Variants in CLDN2 observed in about 807,000 individuals in gnomAD.
The protein encoded by CLDN2 is claudin 2, also known as claudin-2.
CLDN2 carries 1 observed loss-of-function variant against 8.2 expected under a neutral mutation model. That is an observed-to-expected ratio of 0.12 (90% confidence interval 0.04 to 0.58). CLDN2 has a LOEUF of 0.58. Ranked by LOEUF, CLDN2 falls within the 20% of genes least tolerant of loss-of-function variation. The probability of loss-of-function intolerance (pLI) is 0.90; values close to 1 mark genes in which losing one functional copy is unlikely to be tolerated. For missense variants in CLDN2, 108 were observed against 172.9 expected (o/e 0.62, Z 2.11); for synonymous variants, 70 against 70.2 (o/e 1.00, Z 0.01).
intron 1 of CLDN2, among the ~76,000 whole-genome samples, chrX:106,921,031 G>T (rs1296292312): frequency 8.9e-6 from 1 of 111,744 alleles, no homozygotes; most frequent in East Asian, 2.8e-4. Flanking sequence ...TCCCTCACTG[G>T]TCTGCAAGTC....
chrX:106,920,926 C>T (rs890810534), intron 1 of CLDN2, among the ~76,000 whole-genome samples: 2 of 111,636 alleles, frequency 1.8e-5, no homozygotes, highest in African/African-American at 6.5e-5. Flanking sequence ...CAGCCAGCTC[C>T]AGTGCCCTCC....
At chrX:106,923,539 T>C in intron 1 of CLDN2, among the ~76,000 whole-genome samples, 1 of 111,869 alleles carries the variant, frequency 8.9e-6, no homozygotes. Flanking sequence ...GCAGACCTGA[T>C]GGTACATTAT....
intron 1 of CLDN2, among the ~76,000 whole-genome samples, chrX:106,901,308 C>T (rs764694454): frequency 8.9e-6 from 1 of 112,352 alleles, no homozygotes; most frequent in Non-Finnish European, 1.9e-5. Context: ...CTAGAAAAGA[C>T]AGCCTTGGCA....
chrX:106,904,933 G>T (rs1956500801), intron 1 of CLDN2, among the ~76,000 whole-genome samples: 1 of 111,773 alleles, frequency 8.9e-6, no homozygotes, highest in African/African-American at 3.3e-5. Flanking sequence ...GAGTGTTAGG[G>T]TTGTCATTTC....
At chrX:106,907,688 G>A (rs1005829290) in intron 1 of CLDN2, among the ~76,000 whole-genome samples, 21 of 101,002 alleles carry the variant, frequency 2.1e-4, no homozygotes, top group African/African-American at 7.2e-4. Context: ...AAAACAGAGC[G>A]AGACTCCGTC....
In CLDN2 at chrX:106,929,007, C is replaced by A; in HGVS notation, c.*86C>A. Reference sequence around the variant, plus strand: ...GAGGGCCACAGGTGAGGGACACTACCACTGGATCGTGTCAGAAGGTGCTGC... The same window carrying A: ...GAGGGCCACAGGTGAGGGACACTACAACTGGATCGTGTCAGAAGGTGCTGC... On this transcript the variant is annotated 3_prime_UTR_variant, in exon 2 of 2. Transcript: ENST00000336803. The A allele has an allele frequency of 1.2e-6, 1 of 809,405 alleles. No homozygotes were observed. Among genetic ancestry groups the A allele is most frequent in the Non-Finnish European group, 1.8e-6 (1 of 557,043 alleles). The allele number at this position is 809,405 out of a possible 1,213,427, so 66.7% of individuals were successfully genotyped here. A position where few individuals can be genotyped will look rare whatever the true frequency, so the allele number is the denominator to read the frequency against.
chrX:106,919,106 G>A (rs1417960584), upstream of CLDN2, among the ~76,000 whole-genome samples: 1 of 112,141 alleles, frequency 8.9e-6, no homozygotes, highest in Non-Finnish European at 1.9e-5. Context: ...ACAGAATGAT[G>A]TAGTTCTGTG....
At chrX:106,914,284 G>A (rs759733501), upstream of CLDN2, among the ~76,000 whole-genome samples, 44 of 111,085 alleles carry the variant, frequency 4.0e-4, no homozygotes, top group Non-Finnish European at 9.4e-5. Context: ...CTGTGATTAG[G>A]TGAGTACAAC....
upstream of CLDN2, among the ~76,000 whole-genome samples, chrX:106,916,855 C>T (rs1025056750): frequency 2.7e-5 from 3 of 111,539 alleles, no homozygotes; most frequent in South Asian, 3.8e-4. Flanking sequence ...TGAGACTAAC[C>T]TGTGCAATAT....
At chrX:106,905,819 G>A (rs548658840) in intron 1 of CLDN2, among the ~76,000 whole-genome samples, 1 of 111,246 alleles carries the variant, frequency 9.0e-6, no homozygotes, top group South Asian at 3.9e-4. Flanking sequence ...CCACCTTCAC[G>A]TTAGGAGCTG....
At chrX:106,902,963 A>G (rs1288542279) in intron 1 of CLDN2, among the ~76,000 whole-genome samples, 1 of 112,332 alleles carries the variant, frequency 8.9e-6, no homozygotes, top group Non-Finnish European at 1.9e-5. Flanking sequence ...GGGATTAGTG[A>G]GGTGAAAAGT....
In CLDN2 at chrX:106,926,787, T is replaced by TCACACA. The variant is rs60711565; in HGVS notation, c.-178-1229_-178-1224dup. Among the ~76,000 whole-genome samples the TCACACA allele has an allele frequency of 6.6e-3, 14 of 2,109 alleles. 2 individuals are homozygous for TCACACA. Among genetic ancestry groups the TCACACA allele is most frequent in the Admixed American group, 6.6e-3 (1 of 152 alleles). The allele number at this position is 2,109 out of a possible 115,157, so 1.8% of individuals were successfully genotyped here. A position where few individuals can be genotyped will look rare whatever the true frequency, so the allele number is the denominator to read the frequency against. On this transcript the variant is annotated intron_variant, in intron 1 of 1. Transcript: ENST00000336803. Reference sequence around the variant, plus strand: ...TACTTGTGGGGCTGAGGCAGGAGGATCACACACACACACACACACACACAC... The same window carrying TCACACA: ...TACTTGTGGGGCTGAGGCAGGAGGATCACACACACACACACACACACACACACACAC...
chrX:106,925,252 A>G (rs1933450363), intron 1 of CLDN2, among the ~76,000 whole-genome samples: 1 of 111,959 alleles, frequency 8.9e-6, no homozygotes, highest in Non-Finnish European at 1.9e-5. Flanking sequence ...TGTTGCTATT[A>G]TTATTATTAC....
At chrX:106,910,964 G>C (rs998101837) in intron 1 of CLDN2, among the ~76,000 whole-genome samples, 1 of 112,281 alleles carries the variant, frequency 8.9e-6, no homozygotes, top group Non-Finnish European at 1.9e-5. Context: ...AAGAAATAGT[G>C]CATGGATTTT....
chrX:106,904,303 A>G (rs1933150912), intron 1 of CLDN2, among the ~76,000 whole-genome samples: 1 of 113,154 alleles, frequency 8.8e-6, no homozygotes, highest in Non-Finnish European at 1.9e-5. Flanking sequence ...GGCCTTTGCC[A>G]GAAAGCTTCT....
At chrX:106,923,262 C>T (rs1047381800) in intron 1 of CLDN2, among the ~76,000 whole-genome samples, 4 of 112,613 alleles carry the variant, frequency 3.6e-5, no homozygotes, top group African/African-American at 9.7e-5. Context: ...CGTAAGCCAC[C>T]GCACCCGGCT....
intron 1 of CLDN2, among the ~76,000 whole-genome samples, chrX:106,922,091 C>T (rs964606326): frequency 8.9e-6 from 1 of 112,194 alleles, no homozygotes; most frequent in African/African-American, 3.2e-5. Context: ...ACTGACACAA[C>T]AAGAAGCTAG....
upstream of CLDN2, chrX:106,920,273 A>G (rs1252236741): frequency 2.9e-5 from 3 of 104,379 alleles, no homozygotes; most frequent in Admixed American, 3.1e-4. Context: ...TTTTTGACAG[A>G]AAAAAAAAAA....
chrX:106,908,459 T>A (rs1331777558), intron 1 of CLDN2, among the ~76,000 whole-genome samples: 2 of 111,015 alleles, frequency 1.8e-5, no homozygotes, highest in Admixed American at 1.9e-4. Context: ...TCTATCTCCA[T>A]CCTGCAAACA....
Sources: allele counts gnomAD v4.1 joint callset (sites outside exome capture counted in the v4.1 genomes callset), GRCh38; gene constraint gnomAD v4.1.1; transcripts MANE v1.5; gene names NCBI Gene and HGNC (gene_info 2026-07-23, HGNC 2026-07-21).